The following FBH1 variants were observed in gnomAD, a reference collection of about 807,000 sequenced individuals.
FBH1 encodes the protein F-box DNA helicase 1, also known as DNA 3'-5' helicase 1.
A neutral mutation model predicts 115.5 loss-of-function variants in FBH1; 43 were observed. The observed-to-expected ratio is 0.37, with a 90% confidence interval of 0.29 to 0.48. FBH1 has a LOEUF of 0.48. FBH1 is among the 20% of genes least tolerant of loss of function. The pLI is 0.99. For synonymous variants in FBH1, 524 were observed against 507.8 expected, an observed-to-expected ratio of 1.03 and a Z score of -0.43; for missense variants, 1,001 against 1,337.3, an observed-to-expected ratio of 0.75 and a Z score of 3.92.
rs1831805397 is a variant in FBH1, at chr10:5,914,503, G to T, written c.1396+234G>T. ...TGAGACAGGTAGTTCACAGCAGTTA[G>T]TTGGTCGGGCAGATGCCCCCGGGAT... On this transcript the variant is annotated intron_variant, in intron 8 of 20. Coordinates refer to ENST00000362091, the MANE Select transcript of FBH1 (RefSeq NM_178150.3). This position sits in a 1 kb window ranked among gnomAD's most constrained non-coding sequence, Gnocchi z 5.2. 6.6e-6 allele frequency among the ~76,000 whole-genome samples: 1 copy of T among 152,236 alleles called. No homozygotes were observed. The highest frequency in any genetic ancestry group is 1.5e-5 in the Non-Finnish European group (1 of 68,034).
chr10:5,896,761 T>A (rs945205978), intron 1 of FBH1, among the ~76,000 whole-genome samples: 8 of 152,074 alleles, frequency 5.3e-5, no homozygotes, highest in Admixed American at 1.3e-4. Flanking sequence ...CCTTTATCTG[T>A]GGTCATTCAC....
At position 5,932,130 on chromosome 10, in the gene FBH1, G is replaced by C. The variant is rs1216440841; in HGVS notation, c.2830-4326G>C. Among the ~76,000 whole-genome samples, 1 of 152,198 alleles carries C rather than the reference G, an allele frequency of 6.6e-6. No homozygotes were observed. The highest frequency in any genetic ancestry group is 2.4e-5 in the African/African-American group (1 of 41,448). On this transcript the variant is annotated intron_variant, in intron 19 of 20. Coordinates refer to ENST00000362091, the MANE Select transcript of FBH1 (RefSeq NM_178150.3). The surrounding 1 kb of genome is among the most constrained non-coding windows in gnomAD (Gnocchi z 5.9). ...CCACTGCACTCCAGCCTGGGTGACA[G>C]AGTGAGACCCTGTCTCAAAAGAAAA...
In FBH1 at chr10:5,925,429, G is replaced by A; in HGVS notation, c.2659G>A (p.Asp887Asn). Residue 887 changes from aspartate to asparagine, a missense_variant, in exon 18 of 21, where the codon GAT becomes AAT. Coordinates refer to ENST00000362091, the MANE Select transcript of FBH1 (RefSeq NM_178150.3). The surrounding 1 kb of genome is among the most constrained non-coding windows in gnomAD (Gnocchi z 4.6). ...GLEFDTVHVL[D>N]DFVKVPCARH... ...GGAGTTTGACACTGTGCATGTTTTG[G>A]ATGATTTTGTGAAAGTGCCTTGTGC... 6.2e-7 allele frequency: 1 copy of A among 1,614,210 alleles called. No homozygotes were observed. The highest frequency in any genetic ancestry group is 8.5e-7 in the Non-Finnish European group (1 of 1,180,042).
intron 19 of FBH1, chr10:5,934,373 T>G (rs984215858): frequency 4.6e-5 from 3 of 64,820 alleles, no homozygotes; most frequent in Non-Finnish European, 1.2e-4. Flanking sequence ...GGTTTTTTTT[T>G]TTGTTTTTTT....
At chr10:5,894,177 G>T (rs1589041554) in intron 1 of FBH1, 1 of 985,284 alleles carries the variant, frequency 1.0e-6, no homozygotes, top group African/African-American at 1.7e-5. Flanking sequence ...AGGAGCTGGA[G>T]CTCTATTTTG....
In FBH1 at chr10:5,935,309, G is replaced by A. The variant is rs1390551121; in HGVS notation, c.2830-1147G>A. On this transcript the variant is annotated intron_variant, in intron 19 of 20. Transcript: ENST00000362091. The surrounding 1 kb of genome is among the most constrained non-coding windows in gnomAD (Gnocchi z 5.2). ...GGGAATGGGTAAATGAAATACAAGA[G>A]AGCGCTGTGACTGAGTCCTCTACAG... 1 of 152,196 alleles carries A rather than the reference G, an allele frequency of 6.6e-6. No individual in the cohort carries two copies. The highest frequency in any genetic ancestry group is 1.5e-5 in the Non-Finnish European group (1 of 68,048). The allele number at this position is 152,196 out of a possible 1,614,324, so 9.4% of individuals were successfully genotyped here.
Position 5,905,751 on chromosome 10 carries a change from C to T in FBH1, c.158-286C>T, listed in dbSNP as rs1188981855. Among the ~76,000 whole-genome samples, 5 of 152,084 alleles carry T rather than the reference C, an allele frequency of 3.3e-5. No individual in the cohort carries two copies. In the South Asian group the frequency reaches 1.0e-3, roughly 31 times the overall value. On this transcript the variant is annotated intron_variant, in intron 2 of 20. Coordinates refer to ENST00000362091, the MANE Select transcript of FBH1 (RefSeq NM_178150.3). ...GTCCATTCAGATGTTCCCTGTGCAG[C>T]GTGTTTCTCTGTACTTGTTTTTACT...
chr10:5,902,680 C>T (rs1843423208), intron 1 of FBH1, among the ~76,000 whole-genome samples: 1 of 152,112 alleles, frequency 6.6e-6, no homozygotes, highest in Admixed American at 6.6e-5. Flanking sequence ...GCCCCCTCCT[C>T]CACCTCCCAA....
At chr10:5,916,157 TAGAG>T in intron 9 of FBH1, 73 bp from the exon 10 acceptor site, 2 of 1,293,596 alleles carry the variant, frequency 1.5e-6, no homozygotes, top group Non-Finnish European at 2.2e-6. Flanking sequence ...CTGGTGACAT[TAGAG>T]AGAATGGAGG....
chr10:5,891,615 A>T (rs545906168), intron 1 of FBH1, among the ~76,000 whole-genome samples: 1 of 152,186 alleles, frequency 6.6e-6, no homozygotes, highest in African/African-American at 2.4e-5. Context: ...GTTGGAATAT[A>T]TATATATATT....
Position 5,924,462 on chromosome 10 carries a change from G to C in FBH1, c.2550G>C (p.Leu850=), listed in dbSNP as rs139657250. The C allele has an allele frequency of 1.7e-4, 270 of 1,614,064 alleles. No homozygotes were observed. Among genetic ancestry groups the C allele is most frequent in the Non-Finnish European group, 2.2e-4 (254 of 1,179,976 alleles). The stretch of plus-strand genomic sequence containing the variant: ...AGTATAACATCAGGATTCCAGAGCT[G>C]GTGCAAAGGATAGAAAAATGCCATA... ...VEKYNIRIPE[L]VQRIEKCHIE... Residue 850 remains leucine, a synonymous_variant, in exon 17 of 21, where the codon CTG becomes CTC. Coordinates refer to ENST00000362091, the MANE Select transcript of FBH1 (RefSeq NM_178150.3). This position sits in a 1 kb window ranked among gnomAD's most constrained non-coding sequence, Gnocchi z 6.2.
At chr10:5,929,965 A>G (rs1034559053) in intron 19 of FBH1, 1 of 152,214 alleles carries the variant, frequency 6.6e-6, no homozygotes, top group African/African-American at 2.4e-5. Flanking sequence ...GCCTGTCACA[A>G]AACCACATTG....
rs1429480443 is a variant in FBH1 at position 5,897,293 on chromosome 10, C to T, written c.2-5727C>T. ...AGGCTTTGGCGATGAATATACCTGCCAAGTGTGGGTCTTCTCCTGCACCCC... is the reference window on the plus strand; with the variant it reads ...AGGCTTTGGCGATGAATATACCTGCTAAGTGTGGGTCTTCTCCTGCACCCC... On this transcript the variant is annotated intron_variant, in intron 1 of 20. Coordinates refer to ENST00000362091, the MANE Select transcript of FBH1 (RefSeq NM_178150.3). The surrounding 1 kb of genome is among the most constrained non-coding windows in gnomAD (Gnocchi z 4.7). 1.3e-5 allele frequency among the ~76,000 whole-genome samples: 2 copies of T among 152,102 alleles called. No individual in the cohort carries two copies. The highest frequency in any genetic ancestry group is 2.9e-5 in the Non-Finnish European group (2 of 68,016).
Position 5,915,692 on chromosome 10 carries a change from C to G in FBH1, c.1565+121C>G. ...ACCCCGAGGAGTGTAGTGCTGTTAT[C>G]TCCACTTACAGGCAGGAAACAAATA... On this transcript the variant is annotated intron_variant, in intron 9 of 20. Transcript: ENST00000362091. The surrounding 1 kb of genome is among the most constrained non-coding windows in gnomAD (Gnocchi z 5.2). The G allele has an allele frequency of 1.2e-6, 1 of 840,792 alleles. No individual in the cohort carries two copies. The highest frequency in any genetic ancestry group is 1.9e-6 in the Non-Finnish European group (1 of 539,806). 52.1% of individuals were successfully genotyped at this position (840,792 alleles called of 1,614,324 possible). A position where few individuals can be genotyped will look rare whatever the true frequency, so the allele number is the denominator to read the frequency against.
chr10:5,915,597 C>G lies in FBH1; in HGVS notation c.1565+26C>G. The stretch of plus-strand genomic sequence containing the variant: ...GTGAGTACTGCTGTCACTAGTGGCA[C>G]TGTTGCTGCTGGCACGGTCGCGTCT... On this transcript the variant is annotated intron_variant, in intron 9 of 20. Transcript: ENST00000362091. This position sits in a 1 kb window ranked among gnomAD's most constrained non-coding sequence, Gnocchi z 5.2. 1.9e-6 allele frequency: 3 copies of G among 1,608,738 alleles called. No homozygotes were observed. Among genetic ancestry groups the G allele is most frequent in the Non-Finnish European group, 2.6e-6 (3 of 1,175,742 alleles).
intron 9 of FBH1, 111 bp from the exon 10 acceptor site, chr10:5,916,123 G>A (rs1210681300): frequency 8.7e-6 from 8 of 917,712 alleles, no homozygotes; most frequent in Non-Finnish European, 1.4e-5. Flanking sequence ...ACACTCGCCT[G>A]TGTGTGGCAC....
rs1345227569 is a variant in FBH1 at position 5,895,452 on chromosome 10, C to T, written c.1+5106C>T. Among the ~76,000 whole-genome samples the T allele has an allele frequency of 6.6e-6, 1 of 151,978 alleles. No individual in the cohort carries two copies. The highest frequency in any genetic ancestry group is 1.5e-5 in the Non-Finnish European group (1 of 68,012). On this transcript the variant is annotated intron_variant, in intron 1 of 20. Transcript: ENST00000362091. This position sits in a 1 kb window ranked among gnomAD's most constrained non-coding sequence, Gnocchi z 5.0. ...TCTGTAACCTAAAAGTTTTAAAGGA[C>T]TTTTTGGTATGAATTCTGATTAGTA... is the stretch of plus-strand genomic sequence containing the variant.
At chr10:5,891,332 C>G (rs1842712643) in intron 1 of FBH1, among the ~76,000 whole-genome samples, 1 of 152,168 alleles carries the variant, frequency 6.6e-6, no homozygotes, top group African/African-American at 2.4e-5. Flanking sequence ...CAGCTTTGCT[C>G]AGGTTATTGT....
At chr10:5,890,604 C>T (rs905208718) in intron 1 of FBH1, among the ~76,000 whole-genome samples, 1 of 150,914 alleles carries the variant, frequency 6.6e-6, no homozygotes, top group Non-Finnish European at 1.5e-5. Flanking sequence ...CCCGCGCTGC[C>T]CCCCGAGGCC....
Sources: allele counts gnomAD v4.1 joint callset (sites outside exome capture counted in the v4.1 genomes callset), GRCh38; gene constraint gnomAD v4.1.1; non-coding constraint Gnocchi (gnomAD v3.1); transcripts MANE v1.5; gene names NCBI Gene and HGNC (gene_info 2026-07-23, HGNC 2026-07-21).